SPATA22: variants seen among roughly 807,000 people sequenced by gnomAD.
SPATA22 encodes the protein spermatogenesis associated 22.
In SPATA22, 29 loss-of-function variants were observed where a neutral mutation model predicts 47.8. That is an observed-to-expected ratio of 0.61 (90% confidence interval 0.45 to 0.83). SPATA22 has a LOEUF of 0.83. SPATA22 is among the 40% of genes least tolerant of loss of function. The pLI, the probability that SPATA22 is intolerant of heterozygous loss-of-function variation, is 0.00. For synonymous variants in SPATA22, 133 were observed against 140.9 expected (o/e 0.94, Z 0.40); for missense variants, 410 against 421.7 (o/e 0.97, Z 0.24).
intron 6 of SPATA22, 138 bp from the exon 7 acceptor site, chr17:3,446,739 T>C (rs2072735704): frequency 1.5e-6 from 1 of 685,812 alleles, no homozygotes; most frequent in African/African-American, 1.9e-5. Flanking sequence ...TTAGTATAGT[T>C]ACTTCCCTAA....
At chr17:3,450,879 T>A (rs1216091033) in intron 5 of SPATA22, among the ~76,000 whole-genome samples, 1 of 152,322 alleles carries the variant, frequency 6.6e-6, no homozygotes, top group East Asian at 1.9e-4. Context: ...AAACATGAAG[T>A]GAGCACATAC....
intron 1 of SPATA22, chr17:3,489,161 T>C: frequency 2.3e-6 from 2 of 887,672 alleles, no homozygotes; most frequent in Non-Finnish European, 3.6e-6. Context: ...TAAATCTTGA[T>C]ACATTAAAAT....
chr17:3,444,242 G>A (rs1374399919), intron 7 of SPATA22, among the ~76,000 whole-genome samples: 3 of 151,906 alleles, frequency 2.0e-5, no homozygotes, highest in Non-Finnish European at 2.9e-5. Context: ...TATCCTTCAG[G>A]AAAATTCCAT....
In SPATA22 at chr17:3,449,146, G is replaced by A; in HGVS notation, c.333C>T (p.Tyr111=). 6.3e-7 allele frequency: 1 copy of A among 1,585,734 alleles called. No homozygotes were observed. Among genetic ancestry groups the A allele is most frequent in the Non-Finnish European group, 8.6e-7 (1 of 1,167,746 alleles). Residue 111 remains tyrosine, a synonymous_variant, in exon 6 of 9, where the codon TAC becomes TAT. Coordinates refer to ENST00000572969, the MANE Select transcript of SPATA22 (RefSeq NM_001170698.2). ...NTGRSQGGWS[Y]RDGNKNTSLK... is the part of the protein sequence containing the mutation. ...AGCTGGTATTTTTGTTACCATCTCT[G>A]TAGCTGTAATAGTGCAAAAAAAAAG...
chr17:3,509,049 TTC>T (rs2074075713), intron 1 of SPATA22, among the ~76,000 whole-genome samples: 1 of 152,070 alleles, frequency 6.6e-6, no homozygotes, highest in Admixed American at 6.5e-5. Context: ...TTCCTATCTA[TTC>T]TCTCATTGCC....
upstream of SPATA22, among the ~76,000 whole-genome samples, chr17:3,472,701 T>A (rs941439657): frequency 3.2e-4 from 49 of 152,340 alleles, no homozygotes; most frequent in African/African-American, 1.2e-3. Flanking sequence ...TTACCGTATC[T>A]TCTAACCATT....
chr17:3,469,369 A>G lies in SPATA22; in HGVS notation c.-44T>C, dbSNP rs146693827. The stretch of plus-strand genomic sequence containing the variant: ...CTATAATTTTCTATTCAGCATTCCA[A>G]ATTTATAATATGACATTGTCCCACT... On this transcript the variant is annotated 5_prime_UTR_variant, in exon 2 of 9. Coordinates refer to ENST00000572969, the MANE Select transcript of SPATA22 (RefSeq NM_001170698.2). 1 of 1,465,054 alleles carries G rather than the reference A, an allele frequency of 6.8e-7. No individual in the cohort carries two copies. Among genetic ancestry groups the G allele is most frequent in the African/African-American group, 1.4e-5 (1 of 71,030 alleles). 90.8% of individuals were successfully genotyped at this position (1,465,054 alleles called of 1,614,324 possible).
intron 5 of SPATA22, among the ~76,000 whole-genome samples, chr17:3,454,688 C>A (rs2072944178): frequency 6.6e-6 from 1 of 151,826 alleles, no homozygotes; most frequent in South Asian, 2.1e-4. Flanking sequence ...TTTTCTTAAT[C>A]CAGTCAATCA....
intron 3 of SPATA22, 63 bp downstream of exon 3, chr17:3,467,363 T>G (rs2073337470): frequency 3.9e-6 from 5 of 1,288,358 alleles, no homozygotes; most frequent in Non-Finnish European, 4.3e-6. Flanking sequence ...TAATATAAAT[T>G]ACAATTTTCT....
At chr17:3,463,625 T>C (rs2073183111) in intron 3 of SPATA22, among the ~76,000 whole-genome samples, 1 of 151,894 alleles carries the variant, frequency 6.6e-6, no homozygotes, top group Admixed American at 6.6e-5. Context: ...TACACTACTG[T>C]ACACTAAACA....
chr17:3,454,876 C>A (rs906715154), intron 5 of SPATA22, among the ~76,000 whole-genome samples: 83 of 152,180 alleles, frequency 5.5e-4, no homozygotes, highest in Non-Finnish European at 1.1e-3. Flanking sequence ...AATCGCCACA[C>A]TGACTTCCAC....
At chr17:3,495,119 TAGG>T in intron 1 of SPATA22, among the ~76,000 whole-genome samples, 2 of 150,786 alleles carry the variant, frequency 1.3e-5, no homozygotes, top group East Asian at 3.9e-4. Flanking sequence ...TGAGAGAATG[TAGG>T]AGGTTTAAAT....
intron 1 of SPATA22, among the ~76,000 whole-genome samples, chr17:3,477,637 A>T (rs1032262904): frequency 3.9e-5 from 6 of 151,940 alleles, no homozygotes; most frequent in Non-Finnish European, 7.4e-5. Flanking sequence ...TATTTTTAGT[A>T]GAGACGGGGT....
intron 6 of SPATA22, among the ~76,000 whole-genome samples, chr17:3,448,602 G>C (rs1478072894): frequency 6.6e-6 from 1 of 152,140 alleles, no homozygotes; most frequent in East Asian, 1.9e-4. Context: ...AGTTTGAAAG[G>C]AAAAGGAGCA....
chr17:3,470,682 C>T (rs1176917920), intron 1 of SPATA22, among the ~76,000 whole-genome samples: 1 of 150,050 alleles, frequency 6.7e-6, no homozygotes, highest in Non-Finnish European at 1.5e-5. Context: ...ACTCGGGAGG[C>T]GGAGGTTGCA....
chr17:3,475,293 G>A (rs1335574654), upstream of SPATA22: 1 of 152,232 alleles, frequency 6.6e-6, no homozygotes, highest in Non-Finnish European at 1.5e-5. Flanking sequence ...CCCGCTGACA[G>A]TGAATAAGGC....
chr17:3,443,250 G>A lies in SPATA22; in HGVS notation c.824C>T (p.Thr275Ile), dbSNP rs200005430. ...EVLAVLDSAVTPGPYYSKTFL... is the reference protein window; with the variant it reads ...EVLAVLDSAVIPGPYYSKTFL... ...AGTCTTCGAATAATATGGGCCAGGT[G>A]TAACAGCTGAATCAAGAACAGCTAA... Residue 275 changes from threonine (T) to isoleucine (I), a missense_variant, in exon 8 of 9, where the codon ACA becomes ATA. Coordinates refer to ENST00000572969, the MANE Select transcript of SPATA22 (RefSeq NM_001170698.2). 3 of 1,610,218 alleles carry A rather than the reference G, an allele frequency of 1.9e-6. No individual in the cohort carries two copies. The highest frequency in any genetic ancestry group is 1.7e-6 in the Non-Finnish European group (2 of 1,177,826).
intron 1 of SPATA22, chr17:3,499,258 G>T: frequency 1.8e-6 from 1 of 565,190 alleles, no homozygotes; most frequent in East Asian, 3.0e-5. Context: ...TATCTTTAAA[G>T]ATATCATATT....
chr17:3,446,439 A>G lies in SPATA22; in HGVS notation c.802+33T>C, dbSNP rs777569168. On this transcript the variant is annotated intron_variant, in intron 7 of 8. Coordinates refer to ENST00000572969, the MANE Select transcript of SPATA22 (RefSeq NM_001170698.2). ...CATTAAAACCTGTCCTCCAGAGAGT[A>G]TTACTGAAGTATTTTTAAAGTATTT... 17 of 1,583,122 alleles carry G rather than the reference A, an allele frequency of 1.1e-5. No homozygotes were observed. The African/African-American group carries it at 2.2e-4, about 20-fold the overall frequency.
Sources: allele counts gnomAD v4.1 joint callset (sites outside exome capture counted in the v4.1 genomes callset), GRCh38; gene constraint gnomAD v4.1.1; transcripts MANE v1.5; gene names NCBI Gene and HGNC (gene_info 2026-07-23, HGNC 2026-07-21).